DBF4: variants seen among roughly 807,000 people sequenced by gnomAD.
DBF4 encodes the protein protein DBF4 homolog A.
Under a neutral mutation model 76.6 loss-of-function variants are expected in DBF4, and 25 were observed. That is an observed-to-expected ratio of 0.33 (90% CI 0.24 to 0.46). The LOEUF (loss-of-function observed/expected upper bound fraction) is 0.46. Ranked by LOEUF, DBF4 falls within the 20% of genes least tolerant of loss-of-function variation. The probability of loss-of-function intolerance (pLI) is 1.00; values close to 1 mark genes in which losing one functional copy is unlikely to be tolerated. For synonymous variants in DBF4, 213 were observed against 258.0 expected (o/e 0.83, Z 1.67); for missense variants, 638 against 760.8 (o/e 0.84, Z 1.90).
At position 87,878,109 on chromosome 7, in the gene DBF4, G is replaced by C; in HGVS notation, c.103G>C (p.Asp35His). Residue 35 changes from aspartate to histidine, a missense_variant, in exon 2 of 12, where the codon GAT (aspartate) becomes CAT (histidine). Asp to His is a moderately conservative substitution (Grantham distance 81). Transcript: ENST00000265728. ...ACCATCTCTGAAATCTCTGAAAACT[G>C]ATAACAGGCCAGAAAAATCCAAATG... is the stretch of plus-strand genomic sequence containing the variant. ...NRPSLKSLKT[D>H]NRPEKSKCKP... 2 of 1,612,020 alleles carry C rather than the reference G, an allele frequency of 1.2e-6. No homozygotes were observed. The highest frequency in any genetic ancestry group is 1.7e-6 in the Non-Finnish European group (2 of 1,179,590).
intron 8 of DBF4, among the ~76,000 whole-genome samples, chr7:87,898,068 G>A (rs780927548): frequency 9.2e-5 from 14 of 152,208 alleles, no homozygotes; most frequent in Non-Finnish European, 1.9e-4. Flanking sequence ...GTGAGCCACT[G>A]TGCCCAGCCA....
intron 2 of DBF4, among the ~76,000 whole-genome samples, chr7:87,880,675 A>G (rs995264631): frequency 6.6e-6 from 1 of 152,188 alleles, no homozygotes; most frequent in Non-Finnish European, 1.5e-5. Flanking sequence ...TTTGGTTTCT[A>G]TAATCTCGGT....
intron 2 of DBF4, among the ~76,000 whole-genome samples, chr7:87,881,393 C>T (rs1839210881): frequency 2.0e-5 from 3 of 152,152 alleles, no homozygotes; most frequent in South Asian, 4.1e-4. Context: ...GGCAACAGAG[C>T]GAGACTGTGT....
At chr7:87,878,289 A>G in intron 2 of DBF4, 64 bp downstream of exon 2, 1 of 1,294,500 alleles carries the variant, frequency 7.7e-7, no homozygotes, top group Non-Finnish European at 1.1e-6. Flanking sequence ...CTACTGTGTA[A>G]TCATTTAAAT....
At chr7:87,902,559 GAATGAGGGTCTCA>G (rs1255531505) in intron 10 of DBF4, among the ~76,000 whole-genome samples, 2 of 152,144 alleles carry the variant, frequency 1.3e-5, no homozygotes, top group African/African-American at 4.8e-5. Context: ...ATTTAACCTA[GAATGAGGGTCTCA>G]AAAGGCCCAA....
intron 6 of DBF4, 157 bp downstream of exon 6, chr7:87,888,216 T>A: frequency 3.2e-6 from 3 of 944,520 alleles, no homozygotes; most frequent in Non-Finnish European, 3.8e-6. Flanking sequence ...CATTTAACTT[T>A]AGGGTTGTAC....
chr7:87,905,726 G>C (rs148021037), intron 11 of DBF4, among the ~76,000 whole-genome samples: 125 of 152,296 alleles, frequency 8.2e-4, no homozygotes, highest in African/African-American at 2.8e-3. Context: ...ACAAGATACA[G>C]CTTCTGAAAA....
At position 87,907,650 on chromosome 7, in the gene DBF4, A is replaced by G. The variant is rs147346188; in HGVS notation, c.1512A>G (p.Pro504=). 8.9e-4 allele frequency: 1,437 copies of G among 1,614,082 alleles called. 4 individuals carry two copies. The highest frequency in any genetic ancestry group is 1.6e-3 in the Admixed American group (94 of 60,020). The part of the protein sequence containing the change: ...DFSTDNSGSQ[P]KQKSDTVLFP... Reference sequence around the variant, plus strand: ...GTACAGATAATAGTGGATCTCAACCAAAACAGAAGTCAGATACTGTGCTTT... The same window carrying G: ...GTACAGATAATAGTGGATCTCAACCGAAACAGAAGTCAGATACTGTGCTTT... The change falls in exon 12 of 12, where the codon CCA becomes CCG. Residue 504 remains proline, a synonymous_variant. Coordinates refer to ENST00000265728, the MANE Select transcript of DBF4 (RefSeq NM_006716.4).
intron 2 of DBF4, 81 bp from the exon 3 acceptor site, chr7:87,884,898 C>A: frequency 3.7e-6 from 4 of 1,076,830 alleles, no homozygotes; most frequent in Non-Finnish European, 5.3e-6. Flanking sequence ...GATTGTGCCA[C>A]TGCACTCTAG....
At chr7:87,898,552 G>A (rs146137964) in intron 8 of DBF4, among the ~76,000 whole-genome samples, 7,321 of 152,138 alleles carry the variant, frequency 0.048, 262 homozygotes, top group East Asian at 0.092. Flanking sequence ...AGCACTTTGG[G>A]AGGCCGAGGC....
Position 87,908,408 on chromosome 7 carries a change from A to G in DBF4, c.*245A>G, listed in dbSNP as rs1839961856. ...TGTTCGTAATTGTTTCCTGAGAATT[A>G]CAATGAATAATAATTTGCTTTGTCA... is the stretch of plus-strand genomic sequence containing the variant. On this transcript the variant is annotated 3_prime_UTR_variant, in exon 12 of 12. Transcript: ENST00000265728. 1 of 276,524 alleles carries G rather than the reference A, an allele frequency of 3.6e-6. No individual in the cohort carries two copies. Among genetic ancestry groups the G allele is most frequent in the African/African-American group, 2.2e-5 (1 of 45,502 alleles). 17.1% of individuals were successfully genotyped at this position (276,524 alleles called of 1,614,324 possible).
chr7:87,903,966 G>C (rs1235707817), intron 10 of DBF4, among the ~76,000 whole-genome samples: 1 of 152,110 alleles, frequency 6.6e-6, no homozygotes, highest in East Asian at 1.9e-4. Context: ...AGAGTGCTGG[G>C]ATTACAGGCA....
intron 8 of DBF4, among the ~76,000 whole-genome samples, chr7:87,899,066 C>T (rs994474973): frequency 1.3e-5 from 2 of 152,176 alleles, no homozygotes; most frequent in East Asian, 1.9e-4. Context: ...CATTAGACTC[C>T]TACCTCACAT....
chr7:87,883,753 T>C (rs142131480), intron 2 of DBF4, among the ~76,000 whole-genome samples: 120 of 152,358 alleles, frequency 7.9e-4, no homozygotes, highest in African/African-American at 2.7e-3. Flanking sequence ...ATTTTTATTA[T>C]CATTTATAGT....
intron 6 of DBF4, among the ~76,000 whole-genome samples, chr7:87,894,587 C>G (rs1839583106): frequency 6.6e-6 from 1 of 152,198 alleles, no homozygotes; most frequent in Non-Finnish European, 1.5e-5. Context: ...TCCCTTTAGC[C>G]TGAAGGACTT....
intron 2 of DBF4, among the ~76,000 whole-genome samples, chr7:87,881,512 A>G (rs146302629): frequency 1.3e-5 from 2 of 152,242 alleles, no homozygotes; most frequent in Non-Finnish European, 2.9e-5. Flanking sequence ...ATAATACAAC[A>G]TAGAATGTCA....
At chr7:87,906,594 G>A (rs1839921836) in intron 11 of DBF4, among the ~76,000 whole-genome samples, 2 of 152,008 alleles carry the variant, frequency 1.3e-5, no homozygotes, top group African/African-American at 4.8e-5. Flanking sequence ...ATAATTTTAG[G>A]TCAAATATGT....
intron 9 of DBF4, 109 bp downstream of exon 9, chr7:87,900,458 G>T: frequency 1.6e-6 from 2 of 1,266,200 alleles, no homozygotes; most frequent in Non-Finnish European, 2.2e-6. Flanking sequence ...ATTTGTGTTT[G>T]TAATTACTAT....
At chr7:87,882,596 A>AT (rs1839244483) in intron 2 of DBF4, among the ~76,000 whole-genome samples, 1 of 152,220 alleles carries the variant, frequency 6.6e-6, no homozygotes. Context: ...GAATACTTAT[A>AT]TAAAGAACTT....
Sources: gnomAD v4.1 joint callset for allele counts (sites outside exome capture counted in the v4.1 genomes callset) on GRCh38, gnomAD v4.1.1 for gene constraint, MANE v1.5 for transcripts, NCBI Gene and HGNC (gene_info 2026-07-23, HGNC 2026-07-21) for gene names.